The following ZFHX3 variants were observed in gnomAD, a reference collection of about 807,000 sequenced individuals.
The protein encoded by ZFHX3 is zinc finger homeobox protein 3.
A neutral mutation model predicts 279.1 loss-of-function variants in ZFHX3; 42 were observed. The observed-to-expected ratio is 0.15, with a 90% CI of 0.12 to 0.19. The LOEUF is 0.19. Ranked by LOEUF, ZFHX3 falls within the 10% of genes least tolerant of loss-of-function variation. The pLI is 1.00. For missense variants in ZFHX3, 4,981 were observed against 4,754.0 expected, an observed-to-expected ratio of 1.05 and a Z score of -1.40; for synonymous variants, 2,293 against 1,957.8, an observed-to-expected ratio of 1.17 and a Z score of -4.52.
intron 2 of ZFHX3, among the ~76,000 whole-genome samples, chr16:73,544,473 G>T (rs1375241245): frequency 6.6e-6 from 1 of 152,166 alleles, no homozygotes; most frequent in African/African-American, 2.4e-5. Context: ...TAGGGGCATT[G>T]CTGGCTGGCT....
chr16:73,074,925 G>A (rs1469075234), intron 8 of ZFHX3, among the ~76,000 whole-genome samples: 3 of 151,916 alleles, frequency 2.0e-5, no homozygotes, highest in African/African-American at 4.8e-5. Context: ...TAGCTAATTA[G>A]CCTCCCAAGT....
At chr16:73,462,461 G>C (rs2018488926) in intron 2 of ZFHX3, among the ~76,000 whole-genome samples, 1 of 152,130 alleles carries the variant, frequency 6.6e-6, no homozygotes, top group Admixed American at 6.5e-5. Flanking sequence ...TGGAATGAGA[G>C]TGTTAAGAGT....
chr16:73,579,236 C>T (rs2051832191), intron 2 of ZFHX3, among the ~76,000 whole-genome samples: 1 of 152,134 alleles, frequency 6.6e-6, no homozygotes. Context: ...AGCTATCCTG[C>T]CTTTCCAGAC....
At chr16:72,935,658 C>T (rs1168859918) in intron 3 of ZFHX3, among the ~76,000 whole-genome samples, 3 of 150,836 alleles carry the variant, frequency 2.0e-5, no homozygotes, top group East Asian at 2.0e-4. Context: ...CGCTTGAACT[C>T]GGGAGGGGGG....
At chr16:72,942,220 C>T (rs537765583) in intron 3 of ZFHX3, among the ~76,000 whole-genome samples, 4 of 152,280 alleles carry the variant, frequency 2.6e-5, no homozygotes, top group South Asian at 2.1e-4. Context: ...ACACCTTTGC[C>T]CCATTATGTG....
In ZFHX3 at chr16:73,356,463, T is replaced by C. The variant is rs375464300; in HGVS notation, c.-1290-38127A>G. Reference sequence around the variant, plus strand: ...GGTGCTCTGTAATACCAGTTCCAGCTTTGTCTTCAACTTGTCCCCACGCTG... The same window carrying C: ...GGTGCTCTGTAATACCAGTTCCAGCCTTGTCTTCAACTTGTCCCCACGCTG... On this transcript the variant is annotated intron_variant, in intron 3 of 17. Coordinates refer to the ZFHX3 transcript ENST00000641206. 4.6e-5 allele frequency among the ~76,000 whole-genome samples: 7 copies of C among 152,002 alleles called. 1 individual carries two copies. In the East Asian group the frequency reaches 5.8e-4, roughly 13 times the overall value.
chr16:72,836,722 T>C lies in ZFHX3; in HGVS notation c.3449-6863A>G, dbSNP rs567727523. On this transcript the variant is annotated intron_variant, in intron 4 of 9. Coordinates refer to ENST00000268489, the MANE Select transcript of ZFHX3 (RefSeq NM_006885.4). ...TTCTCAGCAGAGTATATACATTTAC[T>C]GAGGAAAACGCCAGATCACAAGAGG... 5.9e-5 allele frequency among the ~76,000 whole-genome samples: 9 copies of C among 152,154 alleles called. No individual in the cohort carries two copies. The South Asian group carries it at 1.7e-3, about 28-fold the overall frequency.
chr16:73,662,032 A>G (rs2052791050), intron 2 of ZFHX3, among the ~76,000 whole-genome samples: 1 of 142,372 alleles, frequency 7.0e-6, no homozygotes, highest in African/African-American at 2.6e-5. Flanking sequence ...AGAAAGAATC[A>G]TGTTACACAA....
At chr16:72,845,761 T>C (rs740177) in intron 4 of ZFHX3, among the ~76,000 whole-genome samples, 11,378 of 151,948 alleles carry the variant, frequency 0.075, 1,087 homozygotes, top group East Asian at 0.29. Context: ...ACCACGCGCC[T>C]GGAAAGCCTC....
intron 1 of ZFHX3, among the ~76,000 whole-genome samples, chr16:73,781,191 G>A (rs191548567): frequency 1.1e-4 from 16 of 152,298 alleles, no homozygotes; most frequent in Admixed American, 3.9e-4. Flanking sequence ...AGCAAGCAAC[G>A]TAGCTGTATA....
At position 73,559,424 on chromosome 16, in the gene ZFHX3, T is replaced by C. The variant is rs1461490374; in HGVS notation, c.-1546-103166A>G. On this transcript the variant is annotated intron_variant, in intron 2 of 17. Transcript: ENST00000641206. ...AGACACTGCGTTTAGGTGATGGCATTAGCTGTGCAACACTGGGCTTTGATG... is the reference window on the plus strand; with the variant it reads ...AGACACTGCGTTTAGGTGATGGCATCAGCTGTGCAACACTGGGCTTTGATG... Among the ~76,000 whole-genome samples the C allele has an allele frequency of 2.0e-5, 3 of 152,160 alleles. No homozygotes were observed. The East Asian group carries it at 5.8e-4, about 29-fold the overall frequency.
At chr16:73,003,387 T>A (rs995893666) in intron 1 of ZFHX3, among the ~76,000 whole-genome samples, 18 of 148,904 alleles carry the variant, frequency 1.2e-4, no homozygotes, top group African/African-American at 4.5e-4. Context: ...GGGGAAACAA[T>A]CAAGGATAAT....
chr16:73,794,841 T>G (rs1220489950), intron 1 of ZFHX3, among the ~76,000 whole-genome samples: 1 of 152,236 alleles, frequency 6.6e-6, no homozygotes, highest in Non-Finnish European at 1.5e-5. Context: ...CCATCCAAAC[T>G]TTGTGCCTTT....
chr16:73,753,445 T>G (rs1477447240), intron 1 of ZFHX3, among the ~76,000 whole-genome samples: 1 of 152,196 alleles, frequency 6.6e-6, no homozygotes, highest in Admixed American at 6.5e-5. Context: ...AATTTACTTC[T>G]CCTTTCCTAG....
At chr16:73,318,132 C>G (rs1287823645) in intron 4 of ZFHX3, 2 of 152,120 alleles carry the variant, frequency 1.3e-5, no homozygotes, top group African/African-American at 4.8e-5. Context: ...GTCAGTAATG[C>G]CAGTGAGTTG....
chr16:73,259,994 TC>T (rs1333733816), intron 4 of ZFHX3, among the ~76,000 whole-genome samples: 1 of 152,136 alleles, frequency 6.6e-6, no homozygotes, highest in Non-Finnish European at 1.5e-5. Flanking sequence ...ATTTTTTTTT[TC>T]CTTTCCCAGG....
At chr16:73,299,189 A>C (rs772904708) in intron 4 of ZFHX3, among the ~76,000 whole-genome samples, 2 of 152,218 alleles carry the variant, frequency 1.3e-5, no homozygotes, top group Non-Finnish European at 2.9e-5. Context: ...CAATCTATAC[A>C]TTTGAAACAA....
intron 3 of ZFHX3, among the ~76,000 whole-genome samples, chr16:72,928,225 G>GACAGCAAGA (rs1959593759): frequency 1.3e-5 from 1 of 77,910 alleles, no homozygotes; most frequent in African/African-American, 5.3e-5. Flanking sequence ...GGGGAGCGAG[G>GACAGCAAGA]GGGAGCGAGA....
At chr16:73,116,327 AG>A (rs1379654419) in intron 7 of ZFHX3, among the ~76,000 whole-genome samples, 1 of 152,080 alleles carries the variant, frequency 6.6e-6, no homozygotes, top group Non-Finnish European at 1.5e-5. Context: ...ATTTGCTGAC[AG>A]TTACTCACTC....
Sources: gnomAD v4.1 joint callset for allele counts (sites outside exome capture counted in the v4.1 genomes callset) on GRCh38, gnomAD v4.1.1 for gene constraint, MANE v1.5 for transcripts, NCBI Gene and HGNC (gene_info 2026-07-23, HGNC 2026-07-21) for gene names.